Variants in SEMA6D observed in about 807,000 individuals in gnomAD.
The protein encoded by SEMA6D is semaphorin 6D.
In SEMA6D, 35 loss-of-function variants were observed where a neutral mutation model predicts 106.6. The ratio of observed to expected loss-of-function variants is 0.33; its 90% CI spans 0.25 to 0.44. The LOEUF is 0.44. Among genes scored for constraint, SEMA6D ranks in the 20% least tolerant of loss-of-function variants. The pLI is 1.00. For synonymous variants in SEMA6D, 499 were observed against 487.7 expected, an observed-to-expected ratio of 1.02 and a Z score of -0.31; for missense variants, 1,185 against 1,345.9, an observed-to-expected ratio of 0.88 and a Z score of 1.87.
chr15:47,228,215 A>C (rs1276984528), intron 1 of SEMA6D, among the ~76,000 whole-genome samples: 1 of 150,518 alleles, frequency 6.6e-6, no homozygotes, highest in Non-Finnish European at 1.5e-5. Context: ...ATGTCATACA[A>C]GTGATTGAGT....
chr15:47,375,769 T>C (rs1232318002), intron 1 of SEMA6D, among the ~76,000 whole-genome samples: 3 of 152,206 alleles, frequency 2.0e-5, no homozygotes, highest in African/African-American at 7.2e-5. Context: ...ATTCCACTAA[T>C]AAATTGTGTA....
intron 1 of SEMA6D, among the ~76,000 whole-genome samples, chr15:47,338,209 A>G (rs1286442133): frequency 6.6e-6 from 1 of 152,242 alleles, no homozygotes; most frequent in Non-Finnish European, 1.5e-5. Flanking sequence ...GAGAACTAGT[A>G]GCTGAGAGTA....
chr15:47,712,721 G>A (rs866899969), upstream of SEMA6D, among the ~76,000 whole-genome samples: 18 of 152,300 alleles, frequency 1.2e-4, 2 homozygotes, highest in South Asian at 1.9e-3. Context: ...GGTTAAGACA[G>A]TCTAACATTT....
At chr15:47,185,073 G>A in intron 1 of SEMA6D, among the ~76,000 whole-genome samples, 1 of 152,196 alleles carries the variant, frequency 6.6e-6, no homozygotes, top group South Asian at 2.1e-4. Flanking sequence ...CGCGGCCGGC[G>A]AGCAGGCGTT....
chr15:47,623,679 G>A (rs2077150448), intron 4 of SEMA6D, among the ~76,000 whole-genome samples: 1 of 152,176 alleles, frequency 6.6e-6, no homozygotes, highest in African/African-American at 2.4e-5. Flanking sequence ...AGGTACGGAT[G>A]TTATGTATCT....
intron 3 of SEMA6D, among the ~76,000 whole-genome samples, chr15:47,476,622 A>G (rs1179560123): frequency 6.6e-6 from 1 of 152,148 alleles, no homozygotes; most frequent in Non-Finnish European, 1.5e-5. Flanking sequence ...AAAATTGTTT[A>G]GAGACAAACA....
At position 47,559,850 on chromosome 15, in the gene SEMA6D, G is replaced by A. The variant is rs146012616; in HGVS notation, c.-86-41015G>A. Among the ~76,000 whole-genome samples, 9 of 152,192 alleles carry A rather than the reference G, an allele frequency of 5.9e-5. No individual in the cohort carries two copies. In the East Asian group the frequency reaches 1.5e-3, roughly 26 times the overall value. ...GCCTAAAATTTGAATGTCATTCCCAGCTAACACCCAGAAAATGGAAGCCTT... is the reference window on the plus strand; with the variant it reads ...GCCTAAAATTTGAATGTCATTCCCAACTAACACCCAGAAAATGGAAGCCTT... On this transcript the variant is annotated intron_variant, in intron 3 of 19. Transcript: ENST00000558014.
chr15:47,590,052 A>C (rs2076409766), intron 3 of SEMA6D, among the ~76,000 whole-genome samples: 1 of 152,180 alleles, frequency 6.6e-6, no homozygotes, highest in Non-Finnish European at 1.5e-5. Flanking sequence ...GGCCTTATTT[A>C]GAAATAGGGT....
At chr15:47,186,595 C>G (rs1475423987) in intron 1 of SEMA6D, among the ~76,000 whole-genome samples, 1 of 151,288 alleles carries the variant, frequency 6.6e-6, no homozygotes, top group Non-Finnish European at 1.5e-5. Flanking sequence ...CAATGCCGTT[C>G]GTGCCCACTG....
intron 1 of SEMA6D, among the ~76,000 whole-genome samples, chr15:47,394,006 G>A (rs1165106870): frequency 6.6e-6 from 1 of 152,128 alleles, no homozygotes; most frequent in East Asian, 1.9e-4. Flanking sequence ...TGAGAGGCAG[G>A]ATAGATATTT....
intron 4 of SEMA6D, among the ~76,000 whole-genome samples, chr15:47,683,566 T>G (rs1216182458): frequency 1.3e-5 from 2 of 152,244 alleles, no homozygotes; most frequent in Non-Finnish European, 2.9e-5. Flanking sequence ...GTTTTGTATC[T>G]ACTGTTTTAA....
intron 3 of SEMA6D, among the ~76,000 whole-genome samples, chr15:47,576,172 T>A (rs2076153510): frequency 6.6e-6 from 1 of 152,222 alleles, no homozygotes; most frequent in Non-Finnish European, 1.5e-5. Flanking sequence ...CCTTGTATAA[T>A]GTTCAGAAAC....
At chr15:47,274,064 A>T (rs1369028295) in intron 1 of SEMA6D, 1 of 152,194 alleles carries the variant, frequency 6.6e-6, no homozygotes, top group Non-Finnish European at 1.5e-5. Context: ...TGAGCAGCCC[A>T]CAAAGCCCCC....
chr15:47,662,107 G>A (rs1478617333), intron 4 of SEMA6D, among the ~76,000 whole-genome samples: 2 of 152,094 alleles, frequency 1.3e-5, no homozygotes, highest in Non-Finnish European at 2.9e-5. Flanking sequence ...GGGTGTCTGC[G>A]GTGTCTGGGA....
rs200047770 is a variant in SEMA6D at position 47,766,485 on chromosome 15, ATGT to A, written c.1647-126_1647-124del. The A allele has an allele frequency of 7.5e-3, 5,463 of 723,786 alleles. 2 individuals are homozygous for A. The highest frequency in any genetic ancestry group is 0.012 in the South Asian group (591 of 50,744). The allele number at this position is 723,786 out of a possible 1,614,324, so 44.8% of individuals were successfully genotyped here. ...AGTCATTTTAGCAAGTTATGTTAAA[ATGT>A]TGTTTTTTTTTTTTCTCTCTCTGCC... is the stretch of plus-strand genomic sequence containing the variant. On this transcript the variant is annotated intron_variant, in intron 15 of 18. Coordinates refer to ENST00000536845, the MANE Select transcript of SEMA6D (RefSeq NM_001358351.3).
intron 3 of SEMA6D, among the ~76,000 whole-genome samples, chr15:47,568,254 C>A (rs373222509): frequency 1.3e-5 from 2 of 150,614 alleles, no homozygotes; most frequent in Admixed American, 6.6e-5. Flanking sequence ...AACATTGTTT[C>A]CTCTATAGAA....
intron 2 of SEMA6D, among the ~76,000 whole-genome samples, chr15:47,441,088 G>A (rs563739894): frequency 2.6e-5 from 4 of 152,002 alleles, no homozygotes; most frequent in South Asian, 4.2e-4. Flanking sequence ...ATCTTAAATC[G>A]TGTCCTTAAA....
rs898437281 is a variant in SEMA6D at position 47,725,840 on chromosome 15, C to A, written c.-55+8148C>A. On this transcript the variant is annotated intron_variant, in intron 1 of 18. Coordinates refer to ENST00000536845, the MANE Select transcript of SEMA6D (RefSeq NM_001358351.3). ...TTTGCCAAGAATTGCTCCAGGGGTT[C>A]AATTTTCCATGGTATATTTAAGTCT... Among the ~76,000 whole-genome samples, 3 of 115,550 alleles carry A rather than the reference C, an allele frequency of 2.6e-5. No homozygotes were observed. In the Admixed American group the frequency reaches 2.8e-4, roughly 11 times the overall value. 75.8% of individuals were successfully genotyped at this position (115,550 alleles called of 152,430 possible). A position where few individuals can be genotyped will look rare whatever the true frequency, so the allele number is the denominator to read the frequency against.
At chr15:47,372,409 T>C (rs2039305646) in intron 1 of SEMA6D, among the ~76,000 whole-genome samples, 1 of 152,248 alleles carries the variant, frequency 6.6e-6, no homozygotes, top group African/African-American at 2.4e-5. Flanking sequence ...GGACATTCTT[T>C]GTTCTTTTTA....
Sources: gnomAD v4.1 joint callset for allele counts (sites outside exome capture counted in the v4.1 genomes callset) on GRCh38, gnomAD v4.1.1 for gene constraint, MANE v1.5 for transcripts, NCBI Gene and HGNC (gene_info 2026-07-23, HGNC 2026-07-21) for gene names.